Variants in FBLN7 observed in about 807,000 individuals in gnomAD.
The protein encoded by FBLN7 is fibulin-7.
FBLN7 carries 31 observed loss-of-function variants against 44.0 expected under a neutral mutation model. The observed-to-expected ratio is 0.70, with a 90% CI of 0.53 to 0.95. The LOEUF is 0.95. Ranked by LOEUF, FBLN7 falls within the 40% of genes least tolerant of loss-of-function variation. The pLI, the probability that FBLN7 is intolerant of heterozygous loss-of-function variation, is 0.00. For missense variants in FBLN7, 573 were observed against 618.5 expected, an observed-to-expected ratio of 0.93 and a Z score of 0.78; for synonymous variants, 262 against 253.4, an observed-to-expected ratio of 1.03 and a Z score of -0.32.
At chr2:112,231,921 T>C in the FBLN7 span, 1 of 1,583,656 alleles carries the variant, frequency 6.3e-7, no homozygotes, top group Non-Finnish European at 8.6e-7. Flanking sequence ...TTTGTTCCTG[T>C]ATGGTAAAAC....
chr2:112,184,107 A>G (rs77898308), intron 6 of FBLN7, among the ~76,000 whole-genome samples: 3,611 of 152,242 alleles, frequency 0.024, 137 homozygotes, highest in African/African-American at 0.082. Flanking sequence ...TTAAACCACC[A>G]TGCTGCAGTG....
At chr2:112,228,443 A>T in the FBLN7 span, among the ~76,000 whole-genome samples, 2 of 151,852 alleles carry the variant, frequency 1.3e-5, no homozygotes, top group Admixed American at 6.6e-5. Context: ...CAGAGGTTGC[A>T]GTGAGCCGAG....
At chr2:112,175,654 T>C in intron 3 of FBLN7, 60 bp from the exon 4 acceptor site, 3 of 1,591,824 alleles carry the variant, frequency 1.9e-6, no homozygotes, top group Non-Finnish European at 2.6e-6. Flanking sequence ...AGTTTTTTAT[T>C]GTATTTGTTT....
the FBLN7 span, among the ~76,000 whole-genome samples, chr2:112,236,070 C>T: frequency 6.6e-6 from 1 of 151,940 alleles, no homozygotes; most frequent in Non-Finnish European, 1.5e-5. Context: ...TCAAGACCAT[C>T]CTGGCCAACA....
intron 3 of FBLN7, among the ~76,000 whole-genome samples, chr2:112,172,627 CTTT>C (rs35062438): frequency 1.1e-5 from 1 of 88,152 alleles, no homozygotes; most frequent in African/African-American, 4.6e-5. Flanking sequence ...CTTTTTCTTT[CTTT>C]TTTTTTTTTT....
rs147579184 is a variant in FBLN7 at position 112,165,099 on chromosome 2, C to A, written c.334C>A (p.Arg112=). 2.5e-6 allele frequency: 4 copies of A among 1,614,204 alleles called. No homozygotes were observed. In the Middle Eastern group the frequency reaches 6.6e-4, roughly 266 times the overall value. ...EVHFTCNPGF[R]LVGPSSVVCL... The stretch of plus-strand genomic sequence containing the variant: ...CCATTTTACCTGCAACCCTGGGTTC[C>A]GGCTGGTCGGGCCCAGCAGCGTGGT... Residue 112 remains arginine (R), a synonymous_variant, in exon 3 of 8, where the codon CGG becomes AGG. Coordinates refer to ENST00000331203, the MANE Select transcript of FBLN7 (RefSeq NM_153214.3).
chr2:112,242,342 A>G, the FBLN7 span, among the ~76,000 whole-genome samples: 3 of 152,234 alleles, frequency 2.0e-5, no homozygotes, highest in Non-Finnish European at 4.4e-5. Context: ...GAGTCCATAA[A>G]TACAATTTTA....
At chr2:112,238,506 G>A in the FBLN7 span, 2 of 1,610,672 alleles carry the variant, frequency 1.2e-6, no homozygotes, top group Non-Finnish European at 1.7e-6. Context: ...CGAACTTTTT[G>A]GTGATATTGC....
At chr2:112,166,428 A>G (rs1682160897) in intron 3 of FBLN7, among the ~76,000 whole-genome samples, 1 of 152,172 alleles carries the variant, frequency 6.6e-6, no homozygotes, top group Non-Finnish European at 1.5e-5. Context: ...AAAGATGAGT[A>G]TGGATTGCCA....
the FBLN7 span, among the ~76,000 whole-genome samples, chr2:112,235,326 T>C: frequency 6.6e-6 from 1 of 152,232 alleles, no homozygotes; most frequent in Non-Finnish European, 1.5e-5. Flanking sequence ...TATATATATG[T>C]TTAGAATTTG....
the FBLN7 span, among the ~76,000 whole-genome samples, chr2:112,219,339 G>A: frequency 6.6e-6 from 1 of 152,224 alleles, no homozygotes; most frequent in Admixed American, 6.5e-5. Flanking sequence ...AAGGAAGGAC[G>A]GTCTTTCAAC....
intron 3 of FBLN7, among the ~76,000 whole-genome samples, chr2:112,167,685 T>A (rs1039636181): frequency 6.6e-6 from 1 of 152,184 alleles, no homozygotes; most frequent in Non-Finnish European, 1.5e-5. Context: ...CCCTAAGTAA[T>A]ACTGCTGTTA....
At chr2:112,232,072 G>T in the FBLN7 span, 1 of 456,982 alleles carries the variant, frequency 2.2e-6, no homozygotes, top group Non-Finnish European at 3.8e-6. Context: ...GCCTGTAGGA[G>T]GCGGAGGTGG....
intron 3 of FBLN7, among the ~76,000 whole-genome samples, chr2:112,166,059 GT>G (rs1206248160): frequency 6.6e-6 from 1 of 152,142 alleles, no homozygotes; most frequent in African/African-American, 2.4e-5. Context: ...TTTTGTTTTT[GT>G]TTTTGTTTGA....
chr2:112,164,853 G>A (rs892328691), intron 2 of FBLN7, 148 bp from the exon 3 acceptor site: 54 of 834,360 alleles, frequency 6.5e-5, no homozygotes, highest in Non-Finnish European at 8.7e-5. Flanking sequence ...TTGATGAGAC[G>A]CAGCATGCAG....
downstream of FBLN7, chr2:112,188,512 A>ACT (rs1252226614): frequency 6.6e-6 from 1 of 152,068 alleles, no homozygotes; most frequent in Non-Finnish European, 1.5e-5. Context: ...GAGAGAAAAC[A>ACT]CTGGCCAGAG....
chr2:112,226,595 A>AAAAAAAAAAC, the FBLN7 span, among the ~76,000 whole-genome samples: 1 of 150,814 alleles, frequency 6.6e-6, no homozygotes, highest in Non-Finnish European at 1.5e-5. Flanking sequence ...ATCTCAAAAA[A>AAAAAAAAAAC]AAAAAAAAAA....
chr2:112,233,268 TACAG>T, the FBLN7 span: 3 of 1,573,152 alleles, frequency 1.9e-6, no homozygotes, highest in Non-Finnish European at 2.6e-6. Flanking sequence ...ATTATGCAAA[TACAG>T]ACAGTTTTCA....
intron 4 of FBLN7, 145 bp from the exon 5 acceptor site, chr2:112,181,594 A>G: frequency 9.5e-7 from 1 of 1,055,628 alleles, no homozygotes; most frequent in Non-Finnish European, 1.2e-6. Flanking sequence ...GTGGTTGATT[A>G]CTTGTCTCTC....
Sources: allele counts gnomAD v4.1 joint callset (sites outside exome capture counted in the v4.1 genomes callset), GRCh38; gene constraint gnomAD v4.1.1; transcripts MANE v1.5; gene names NCBI Gene and HGNC (gene_info 2026-07-23, HGNC 2026-07-21).